FAM193A: variants seen among roughly 807,000 people sequenced by gnomAD.
FAM193A encodes the protein protein FAM193A.
FAM193A carries 22 observed loss-of-function variants against 126.5 expected under a neutral mutation model. The observed-to-expected ratio is 0.17, with a 90% CI of 0.12 to 0.25. FAM193A has a LOEUF of 0.25. FAM193A is among the 10% of genes least tolerant of loss of function. FAM193A has a pLI of 1.00. For missense variants in FAM193A, 1,675 were observed against 1,672.8 expected (o/e 1.00, Z -0.02); for synonymous variants, 761 against 646.8 (o/e 1.18, Z -2.68).
intron 1 of FAM193A, among the ~76,000 whole-genome samples, chr4:2,558,798 C>G (rs1401408599): frequency 1.3e-5 from 2 of 152,148 alleles, no homozygotes; most frequent in South Asian, 4.1e-4. Context: ...GGCAGAGGTT[C>G]GAGACCAGCC....
chr4:2,565,129 G>C (rs114461150), intron 1 of FAM193A, among the ~76,000 whole-genome samples: 4,305 of 149,888 alleles, frequency 0.029, 220 homozygotes, highest in African/African-American at 0.099. Context: ...GTGTTAGCCT[G>C]TTTTTTTTTG....
intron 2 of FAM193A, among the ~76,000 whole-genome samples, chr4:2,606,138 C>G (rs1741537287): frequency 7.4e-6 from 1 of 135,274 alleles, no homozygotes; most frequent in African/African-American, 2.8e-5. Flanking sequence ...GCAACCTCTG[C>G]TGCCTGGGTT....
chr4:2,573,932 G>A (rs542493560), intron 1 of FAM193A, among the ~76,000 whole-genome samples: 424 of 152,278 alleles, frequency 2.8e-3, no homozygotes, highest in African/African-American at 7.7e-3. Context: ...CCTCGTCTGG[G>A]AGCACCCTTA....
At chr4:2,614,009 G>A (rs971588556) in intron 2 of FAM193A, among the ~76,000 whole-genome samples, 10 of 152,056 alleles carry the variant, frequency 6.6e-5, no homozygotes, top group Admixed American at 6.6e-5. Context: ...TCCTGGCCTC[G>A]TGATCCATGT....
At chr4:2,589,439 C>T (rs565323834) in intron 1 of FAM193A, among the ~76,000 whole-genome samples, 3 of 152,074 alleles carry the variant, frequency 2.0e-5, no homozygotes, top group East Asian at 1.9e-4. Context: ...AAAAGTAAGT[C>T]CTAAGGAAAA....
chr4:2,660,090 T>G (rs1444903679), intron 10 of FAM193A, 36 bp downstream of exon 10: 4 of 1,604,814 alleles, frequency 2.5e-6, no homozygotes, highest in Non-Finnish European at 3.4e-6. Flanking sequence ...TTCCGAAATT[T>G]AAGTCGCCCC....
chr4:2,590,490 AAAAAAC>A (rs1248046061), intron 1 of FAM193A, among the ~76,000 whole-genome samples: 1 of 101,706 alleles, frequency 9.8e-6, no homozygotes, highest in African/African-American at 6.8e-5. Flanking sequence ...AAAAAACAAA[AAAAAAC>A]AAAAAAAAAC....
chr4:2,656,646 TA>T (rs1028761920), intron 7 of FAM193A, among the ~76,000 whole-genome samples: 10 of 152,172 alleles, frequency 6.6e-5, no homozygotes, highest in African/African-American at 2.4e-4. Context: ...TGTTCTCTGT[TA>T]GGGGCAGTCC....
At chr4:2,690,998 G>A (rs896964186) in intron 15 of FAM193A, 28 bp downstream of exon 15, 11 of 1,586,408 alleles carry the variant, frequency 6.9e-6, no homozygotes, top group South Asian at 3.4e-5. Context: ...ACTGGCCCTC[G>A]GGGTCTGCAG....
intron 19 of FAM193A, among the ~76,000 whole-genome samples, chr4:2,713,711 A>G (rs1051085403): frequency 6.6e-6 from 1 of 152,142 alleles, no homozygotes; most frequent in Non-Finnish European, 1.5e-5. Flanking sequence ...ATTTACTACA[A>G]CAGGGCTCCC....
At chr4:2,563,980 CTTTT>C (rs1162401789) in intron 1 of FAM193A, among the ~76,000 whole-genome samples, 1 of 152,086 alleles carries the variant, frequency 6.6e-6, no homozygotes, top group Non-Finnish European at 1.5e-5. Flanking sequence ...AGTTTTCTTA[CTTTT>C]ATTTCTGTAT....
intron 13 of FAM193A, among the ~76,000 whole-genome samples, chr4:2,675,575 T>C (rs1714306071): frequency 6.6e-6 from 1 of 152,260 alleles, no homozygotes; most frequent in African/African-American, 2.4e-5. Flanking sequence ...TCTAGCTTTC[T>C]TTTGGTTAGT....
intron 1 of FAM193A, among the ~76,000 whole-genome samples, chr4:2,555,650 C>T (rs969503121): frequency 2.6e-5 from 4 of 152,124 alleles, no homozygotes; most frequent in African/African-American, 9.7e-5. Context: ...CAGAGTCTCG[C>T]TCTGTCACTC....
At chr4:2,581,545 T>C (rs1235720021) in intron 1 of FAM193A, among the ~76,000 whole-genome samples, 1 of 149,282 alleles carries the variant, frequency 6.7e-6, no homozygotes, top group Non-Finnish European at 1.5e-5. Flanking sequence ...TGAGCCACCA[T>C]GCCCAGCTTC....
chr4:2,562,665 C>G (rs142369281), intron 1 of FAM193A, among the ~76,000 whole-genome samples: 2 of 150,456 alleles, frequency 1.3e-5, no homozygotes, highest in African/African-American at 4.9e-5. Context: ...GAGTCTTGCT[C>G]TGTTGCCAGG....
chr4:2,628,843 CTG>C (rs1743242213), intron 4 of FAM193A, among the ~76,000 whole-genome samples: 2 of 141,240 alleles, frequency 1.4e-5, no homozygotes, highest in Admixed American at 8.5e-5. Context: ...CAGCATATTG[CTG>C]TCTCTCTCTT....
chr4:2,538,118 G>A (rs990025916), intron 1 of FAM193A, among the ~76,000 whole-genome samples: 6 of 151,854 alleles, frequency 4.0e-5, no homozygotes, highest in Non-Finnish European at 5.9e-5. Flanking sequence ...CTTAAATTAT[G>A]TAGTTTTAAA....
intron 5 of FAM193A, among the ~76,000 whole-genome samples, chr4:2,637,376 A>G (rs1362574671): frequency 6.6e-6 from 1 of 152,202 alleles, no homozygotes; most frequent in Non-Finnish European, 1.5e-5. Context: ...TCTAAAAAAT[A>G]AAATAAAATT....
intron 1 of FAM193A, among the ~76,000 whole-genome samples, chr4:2,595,878 CTAAGA>C (rs1020040894): frequency 1.3e-5 from 2 of 152,264 alleles, no homozygotes; most frequent in African/African-American, 4.8e-5. Context: ...CTAACTCGTA[CTAAGA>C]TAAGATTTTC....
Sources: allele counts gnomAD v4.1 joint callset (sites outside exome capture counted in the v4.1 genomes callset), GRCh38; gene constraint gnomAD v4.1.1; transcripts MANE v1.5; gene names NCBI Gene and HGNC (gene_info 2026-07-23, HGNC 2026-07-21).